APOBEC3C: variants seen among roughly 807,000 people sequenced by gnomAD.
APOBEC3C encodes apolipoprotein B mRNA editing enzyme catalytic subunit 3C.
A neutral mutation model predicts 20.6 loss-of-function variants in APOBEC3C; 14 were observed. The observed-to-expected ratio is 0.68, with a 90% CI of 0.45 to 1.06. The LOEUF (loss-of-function observed/expected upper bound fraction) is 1.06. Among genes scored for constraint, APOBEC3C ranks in the 50% least tolerant of loss-of-function variants. APOBEC3C has a pLI of 0.00. For synonymous variants in APOBEC3C, 98 were observed against 88.8 expected (o/e 1.10, Z -0.58); for missense variants, 244 against 241.9 (o/e 1.01, Z -0.06).
chr22:39,014,328 G>C lies in APOBEC3C; in HGVS notation c.-35G>C. ...AGAAGCCACAGCGCTTCAGAAAAGA[G>C]TGGGACAGGGACAAGCATATCTAAG... is the stretch of plus-strand genomic sequence containing the variant. On this transcript the variant is annotated 5_prime_UTR_variant, in exon 1 of 4. Transcript: ENST00000361441. 4 of 1,614,088 alleles carry C rather than the reference G, an allele frequency of 2.5e-6. No individual in the cohort carries two copies. Among genetic ancestry groups the C allele is most frequent in the South Asian group, 2.2e-5 (2 of 91,082 alleles).
chr22:39,016,459 C>T (rs1179990588), intron 2 of APOBEC3C, among the ~76,000 whole-genome samples: 2 of 150,142 alleles, frequency 1.3e-5, no homozygotes, highest in South Asian at 2.1e-4. Flanking sequence ...CCTCATGATC[C>T]GCCCGCCTTG....
intron 2 of APOBEC3C, 51 bp downstream of exon 2, chr22:39,015,802 A>G (rs763081321): frequency 6.4e-7 from 1 of 1,572,324 alleles, no homozygotes; most frequent in Non-Finnish European, 8.7e-7. Flanking sequence ...GCAGCTGGGA[A>G]TGCAGAAAAC....
Position 39,019,422 on chromosome 22 carries a change from C to A in APOBEC3C, c.*1035C>A, listed in dbSNP as rs1471131467. 2.0e-5 allele frequency: 3 copies of A among 152,216 alleles called. No individual in the cohort carries two copies. The highest frequency in any genetic ancestry group is 7.2e-5 in the African/African-American group (3 of 41,450). The allele number at this position is 152,216 out of a possible 1,614,324, so 9.4% of individuals were successfully genotyped here. ...GCTCTCTCAACATGGTGAACACCAT[C>A]CGGACTCCGTGTATGTCTCAAATTA... is the stretch of plus-strand genomic sequence containing the variant. On this transcript the variant is annotated 3_prime_UTR_variant, in exon 4 of 4. Transcript: ENST00000361441.
chr22:39,015,350 T>C (rs1049303834), intron 1 of APOBEC3C, among the ~76,000 whole-genome samples: 4 of 150,726 alleles, frequency 2.7e-5, no homozygotes, highest in Non-Finnish European at 5.9e-5. Context: ...GTTCCATTGG[T>C]AGCCCCAGAG....
chr22:39,016,292 C>T (rs571483631), intron 2 of APOBEC3C, among the ~76,000 whole-genome samples: 16 of 151,262 alleles, frequency 1.1e-4, no homozygotes, highest in East Asian at 3.9e-4. Flanking sequence ...CTCCGCCTCC[C>T]GGGTTCACGC....
intron 1 of APOBEC3C, 111 bp downstream of exon 1, chr22:39,014,490 TC>T (rs1924712348): frequency 1.8e-6 from 2 of 1,121,820 alleles, no homozygotes; most frequent in Non-Finnish European, 2.4e-6. Context: ...CTGGGCTCCC[TC>T]CCCCCTGGTT....
At chr22:39,016,191 T>A (rs548559631) in intron 2 of APOBEC3C, among the ~76,000 whole-genome samples, 4 of 71,928 alleles carry the variant, frequency 5.6e-5, no homozygotes, top group African/African-American at 2.4e-4. Flanking sequence ...CCTCCCCACA[T>A]TATTTATTTA....
At chr22:39,016,122 C>A (rs758574617) in intron 2 of APOBEC3C, among the ~76,000 whole-genome samples, 2 of 151,940 alleles carry the variant, frequency 1.3e-5, no homozygotes, top group African/African-American at 4.8e-5. Context: ...AAGTGATCCA[C>A]CAGCCTTGGC....
At chr22:39,015,520 G>A (rs1924746764) in intron 1 of APOBEC3C, 75 bp from the exon 2 acceptor site, 1 of 1,533,834 alleles carries the variant, frequency 6.5e-7, no homozygotes, top group Non-Finnish European at 8.8e-7. Flanking sequence ...CCAGGCAGCT[G>A]TGTTCAGTGG....
At chr22:39,015,519 T>C in intron 1 of APOBEC3C, 76 bp from the exon 2 acceptor site, 2 of 1,528,978 alleles carry the variant, frequency 1.3e-6, no homozygotes, top group Non-Finnish European at 1.8e-6. Flanking sequence ...TCCAGGCAGC[T>C]GTGTTCAGTG....
In APOBEC3C at chr22:39,014,280, G is replaced by A. The variant is rs1283121494; in HGVS notation, c.-83G>A. Reference sequence around the variant, plus strand: ...TCACTTTAAAGAGGGCTGCTCAACTGCAAGGACGCTGTAAGCAGGAAGAGA... The same window carrying A: ...TCACTTTAAAGAGGGCTGCTCAACTACAAGGACGCTGTAAGCAGGAAGAGA... On this transcript the variant is annotated 5_prime_UTR_variant, in exon 1 of 4. Transcript: ENST00000361441. 2.5e-5 allele frequency: 40 copies of A among 1,578,044 alleles called. No homozygotes were observed. Among genetic ancestry groups the A allele is most frequent in the Non-Finnish European group, 3.4e-5 (39 of 1,147,822 alleles).
In APOBEC3C at chr22:39,018,671, T is replaced by G; in HGVS notation, c.*284T>G. On this transcript the variant is annotated 3_prime_UTR_variant, in exon 4 of 4. Coordinates refer to ENST00000361441, the MANE Select transcript of APOBEC3C (RefSeq NM_014508.3). ...CCTGGCTTTTCCCATCTCCCCAGCA[T>G]AACCAAATCTTACTAAACTCATCCT... 1 of 286,750 alleles carries G rather than the reference T, an allele frequency of 3.5e-6. No individual in the cohort carries two copies. Among genetic ancestry groups the G allele is most frequent in the Non-Finnish European group, 6.6e-6 (1 of 151,342 alleles). The allele number at this position is 286,750 out of a possible 1,614,324, so 17.8% of individuals were successfully genotyped here. A position where few individuals can be genotyped will look rare whatever the true frequency, so the allele number is the denominator to read the frequency against.
intron 2 of APOBEC3C, among the ~76,000 whole-genome samples, chr22:39,017,429 A>G (rs1924825113): frequency 6.6e-6 from 1 of 152,048 alleles, no homozygotes; most frequent in Admixed American, 6.6e-5. Context: ...CTTGAGCCCA[A>G]GAGTTCAAGA....
rs953435953 is a variant in APOBEC3C at position 39,017,640 on chromosome 22, T to C, written c.175-126T>C. 1.1e-4 allele frequency: 135 copies of C among 1,273,890 alleles called. No homozygotes were observed. The East Asian group carries it at 3.1e-3, about 29-fold the overall frequency. The allele number at this position is 1,273,890 out of a possible 1,614,324, so 78.9% of individuals were successfully genotyped here. On this transcript the variant is annotated intron_variant, in intron 2 of 3. Coordinates refer to ENST00000361441, the MANE Select transcript of APOBEC3C (RefSeq NM_014508.3). ...CTGTGCACCAGAGAGAGACCCTGTC[T>C]CAAAAATGAGTAAATAAGGAAACGG...
chr22:39,015,911 T>C (rs1458061246), intron 2 of APOBEC3C, among the ~76,000 whole-genome samples, 160 bp downstream of exon 2: 1 of 149,194 alleles, frequency 6.7e-6, no homozygotes, highest in Admixed American at 6.7e-5. Flanking sequence ...AGTCTCGCTC[T>C]GTCACCCAGG....
rs754575706 is a variant in APOBEC3C, at chr22:39,015,555, C to CG, written c.18-35dup. ...GGCATCAGCCCTGAGGACTCCGGTG[C>CG]GGGGGTCTCTGCATTGGGGTTTCTC... On this transcript the variant is annotated intron_variant, in intron 1 of 3. Coordinates refer to ENST00000361441, the MANE Select transcript of APOBEC3C (RefSeq NM_014508.3). 9 of 1,602,080 alleles carry CG rather than the reference C, an allele frequency of 5.6e-6. 1 individual carries two copies. Among genetic ancestry groups the CG allele is most frequent in the Non-Finnish European group, 6.0e-6 (7 of 1,173,006 alleles).
Position 39,014,265 on chromosome 22 carries a change from G to A in APOBEC3C, c.-98G>A. 6.6e-7 allele frequency: 1 copy of A among 1,511,006 alleles called. No homozygotes were observed. The highest frequency in any genetic ancestry group is 9.2e-7 in the Non-Finnish European group (1 of 1,087,884). The allele number at this position is 1,511,006 out of a possible 1,614,324, so 93.6% of individuals were successfully genotyped here. ...CAAGGCCCTGGGAGGTCACTTTAAAGAGGGCTGCTCAACTGCAAGGACGCT... is the reference window on the plus strand; with the variant it reads ...CAAGGCCCTGGGAGGTCACTTTAAAAAGGGCTGCTCAACTGCAAGGACGCT... On this transcript the variant is annotated 5_prime_UTR_variant, in exon 1 of 4. Transcript: ENST00000361441.
At chr22:39,016,865 T>C (rs1014899887) in intron 2 of APOBEC3C, among the ~76,000 whole-genome samples, 1 of 152,008 alleles carries the variant, frequency 6.6e-6, no homozygotes, top group Non-Finnish European at 1.5e-5. Context: ...GCCTGGTGAA[T>C]GGATGCCTGG....
rs201957439 is a variant in APOBEC3C, at chr22:39,015,691, C to T, written c.114C>T (p.Thr38=). ...GGAACGAAACTTGGCTGTGCTTCAC[C>T]GTGGAAGGTATAAAGCGCCGCTCAG... is the stretch of plus-strand genomic sequence containing the variant. ...NDRNETWLCF[T]VEGIKRRSVV... Residue 38 remains threonine, a synonymous_variant, in exon 2 of 4, where the codon ACC becomes ACT. Transcript: ENST00000361441. 7.9e-4 allele frequency: 1,283 copies of T among 1,614,010 alleles called. 6 individuals carry two copies. Among genetic ancestry groups the T allele is most frequent in the Admixed American group, 3.0e-4 (18 of 60,002 alleles).
Sources: allele counts gnomAD v4.1 joint callset (sites outside exome capture counted in the v4.1 genomes callset), GRCh38; gene constraint gnomAD v4.1.1; transcripts MANE v1.5; gene names NCBI Gene and HGNC (gene_info 2026-07-23, HGNC 2026-07-21).